Variants in PKP4 observed in about 807,000 individuals in gnomAD.
PKP4 encodes plakophilin-4.
In PKP4, 90 loss-of-function variants were observed where a neutral mutation model predicts 145.1. The ratio of observed to expected loss-of-function variants is 0.62; its 90% confidence interval spans 0.52 to 0.74. PKP4 has a LOEUF of 0.74. Ranked by LOEUF, PKP4 falls within the 30% of genes least tolerant of loss-of-function variation. The pLI is 0.00. For synonymous variants in PKP4, 563 were observed against 577.2 expected (o/e 0.98, Z 0.35); for missense variants, 1,340 against 1,482.7 (o/e 0.90, Z 1.58).
At chr2:158,544,120 C>A (rs931224163) in intron 2 of PKP4, among the ~76,000 whole-genome samples, 5 of 152,152 alleles carry the variant, frequency 3.3e-5, no homozygotes, top group African/African-American at 1.2e-4. Context: ...TGTGCTCTTG[C>A]CAGGGCTTAC....
intron 13 of PKP4, 65 bp from the exon 14 acceptor site, chr2:158,662,832 A>T: frequency 8.0e-7 from 1 of 1,253,014 alleles, no homozygotes; most frequent in Non-Finnish European, 1.1e-6. Context: ...TGTAGTGTTC[A>T]GTACAGAAGT....
At chr2:158,580,162 T>G (rs2048213976) in intron 3 of PKP4, among the ~76,000 whole-genome samples, 1 of 152,230 alleles carries the variant, frequency 6.6e-6, no homozygotes, top group Non-Finnish European at 1.5e-5. Flanking sequence ...CTTGTGAATT[T>G]TAAAATGTTA....
At chr2:158,587,778 C>T (rs2048921117) in intron 3 of PKP4, among the ~76,000 whole-genome samples, 2 of 151,746 alleles carry the variant, frequency 1.3e-5, no homozygotes, top group South Asian at 4.1e-4. Flanking sequence ...ATTCAAGTCC[C>T]CTTTGCCACA....
chr2:158,592,980 G>T (rs932227993), intron 3 of PKP4, among the ~76,000 whole-genome samples: 2 of 152,028 alleles, frequency 1.3e-5, no homozygotes, highest in African/African-American at 2.4e-5. Flanking sequence ...GAAAAACAGG[G>T]CCCTTTTCTT....
chr2:158,680,352 A>G, intron 21 of PKP4, 77 bp from the exon 22 acceptor site: 1 of 1,047,560 alleles, frequency 9.5e-7, no homozygotes, highest in South Asian at 1.6e-5. Context: ...TGAAGCAGGA[A>G]GCCCACATTA....
chr2:158,561,029 G>A (rs919899876), intron 2 of PKP4, among the ~76,000 whole-genome samples: 2 of 152,176 alleles, frequency 1.3e-5, no homozygotes, highest in Non-Finnish European at 2.9e-5. Flanking sequence ...TTTATAGCCT[G>A]CAAGCTAAGA....
intron 2 of PKP4, among the ~76,000 whole-genome samples, chr2:158,535,101 T>A (rs2043919269): frequency 6.6e-6 from 1 of 152,168 alleles, no homozygotes; most frequent in Non-Finnish European, 1.5e-5. Context: ...CATCTGTGTC[T>A]TTTTCCAAGA....
At chr2:158,606,310 G>A (rs866180538) in intron 4 of PKP4, among the ~76,000 whole-genome samples, 2 of 151,728 alleles carry the variant, frequency 1.3e-5, no homozygotes, top group South Asian at 4.2e-4. Context: ...CTGCACTCCA[G>A]CCTGGGCAAC....
At chr2:158,649,279 AG>A (rs2055124477) in intron 11 of PKP4, among the ~76,000 whole-genome samples, 1 of 152,088 alleles carries the variant, frequency 6.6e-6, no homozygotes, top group African/African-American at 2.4e-5. Flanking sequence ...TCCAGGCTGG[AG>A]GTGTTTCTTC....
chr2:158,471,091 G>T (rs1363060226), intron 1 of PKP4, among the ~76,000 whole-genome samples: 1 of 152,202 alleles, frequency 6.6e-6, no homozygotes, highest in Non-Finnish European at 1.5e-5. Flanking sequence ...CACCCACCAT[G>T]AGCAGAGGAA....
chr2:158,561,943 G>A (rs1157925018), intron 2 of PKP4, among the ~76,000 whole-genome samples: 10 of 18,532 alleles, frequency 5.4e-4, no homozygotes, highest in Admixed American at 2.4e-3. Context: ...CCCACCCCCC[G>A]ACAGGCCCCG....
At chr2:158,593,884 G>C (rs993596281) in intron 3 of PKP4, among the ~76,000 whole-genome samples, 3 of 152,108 alleles carry the variant, frequency 2.0e-5, no homozygotes, top group African/African-American at 7.2e-5. Context: ...ACAGTAGCTG[G>C]GCATACATTT....
chr2:158,539,758 AAAAATGAGGTTC>A (rs1024091715), intron 2 of PKP4, among the ~76,000 whole-genome samples: 1 of 152,202 alleles, frequency 6.6e-6, no homozygotes, highest in African/African-American at 2.4e-5. Context: ...ATAATATTAT[AAAAATGAGGTTC>A]AAAATGAGGA....
At chr2:158,609,517 A>C (rs1416755643) in intron 4 of PKP4, among the ~76,000 whole-genome samples, 1 of 152,054 alleles carries the variant, frequency 6.6e-6, no homozygotes, top group Non-Finnish European at 1.5e-5. Context: ...CACTTTCTCT[A>C]CCTTTTTTCT....
intron 17 of PKP4, 68 bp downstream of exon 17, chr2:158,669,983 G>T (rs1275633171): frequency 8.2e-7 from 1 of 1,214,498 alleles, no homozygotes; most frequent in Non-Finnish European, 1.1e-6. Context: ...TGAGGCCTTT[G>T]TTGAGGATAC....
intron 11 of PKP4, among the ~76,000 whole-genome samples, chr2:158,649,393 A>G (rs953043880): frequency 6.6e-6 from 1 of 152,168 alleles, no homozygotes; most frequent in African/African-American, 2.4e-5. Context: ...GATTACCACC[A>G]AAAAGGGAAA....
intron 2 of PKP4, among the ~76,000 whole-genome samples, chr2:158,561,657 G>A (rs111901339): frequency 5.6e-4 from 85 of 152,330 alleles, no homozygotes; most frequent in African/African-American, 1.9e-3. Flanking sequence ...GCCCCAGGCC[G>A]ACTTCCCAGG....
At chr2:158,618,206 TATAGA>T (rs1316176000) in intron 4 of PKP4, among the ~76,000 whole-genome samples, 6 of 152,166 alleles carry the variant, frequency 3.9e-5, no homozygotes, top group African/African-American at 7.2e-5. Context: ...AGACCTTATT[TATAGA>T]ATAGAAGTTG....
At chr2:158,472,391 T>G (rs1003951667) in intron 1 of PKP4, among the ~76,000 whole-genome samples, 63 of 152,082 alleles carry the variant, frequency 4.1e-4, no homozygotes, top group African/African-American at 1.5e-3. Context: ...GGGCAGATCA[T>G]GAGGTCAGGA....
Sources: gnomAD v4.1 joint callset for allele counts (sites outside exome capture counted in the v4.1 genomes callset) on GRCh38, gnomAD v4.1.1 for gene constraint, MANE v1.5 for transcripts, NCBI Gene and HGNC (gene_info 2026-07-23, HGNC 2026-07-21) for gene names.